Variants in AGMO observed in about 807,000 individuals in gnomAD.
AGMO encodes alkylglycerol monooxygenase, also known as glyceryl-ether monooxygenase.
AGMO carries 75 observed loss-of-function variants against 60.2 expected under a neutral mutation model. The ratio of observed to expected loss-of-function variants is 1.25; its 90% confidence interval spans 1.03 to 1.51. The LOEUF is 1.51. Ranked by LOEUF, AGMO falls within the 40% of genes most tolerant of loss-of-function variation. AGMO has a pLI of 0.00. For missense variants in AGMO, 763 were observed against 525.5 expected (o/e 1.45, Z -4.42); for synonymous variants, 261 against 177.1 (o/e 1.47, Z -3.76).
chr7:15,229,446 C>T (rs1248958383), intron 12 of AGMO, among the ~76,000 whole-genome samples: 1 of 150,224 alleles, frequency 6.7e-6, no homozygotes, highest in Non-Finnish European at 1.5e-5. Context: ...GTTTTTGTCT[C>T]GCTACTTTCT....
chr7:15,229,507 CA>C (rs61390345), intron 12 of AGMO, among the ~76,000 whole-genome samples: 63,670 of 139,910 alleles, frequency 0.46, 16,711 homozygotes, highest in African/African-American at 0.76. Flanking sequence ...CTCATCCTTC[CA>C]AAAAAAAAAA....
At chr7:15,250,001 T>A (rs1396087761) in intron 12 of AGMO, among the ~76,000 whole-genome samples, 1 of 152,236 alleles carries the variant, frequency 6.6e-6, no homozygotes, top group Non-Finnish European at 1.5e-5. Flanking sequence ...CCGGTCAGTA[T>A]TTATTCCCAG....
intron 3 of AGMO, among the ~76,000 whole-genome samples, chr7:15,534,149 T>G (rs1784431025): frequency 2.0e-5 from 3 of 152,108 alleles, no homozygotes; most frequent in African/African-American, 7.2e-5. Context: ...GTTTTAGCAA[T>G]TTTTTTCAAG....
At chr7:15,309,549 T>A (rs990263107) in intron 12 of AGMO, among the ~76,000 whole-genome samples, 2 of 152,148 alleles carry the variant, frequency 1.3e-5, no homozygotes, top group Admixed American at 6.6e-5. Context: ...CAGGTGTTGT[T>A]TTCATTGAAT....
At position 15,394,181 on chromosome 7, in the gene AGMO, T is replaced by C; in HGVS notation, c.610-2A>G. The stretch of plus-strand genomic sequence containing the variant: ...CAAAGGACCAAGGTTATTGATGACC[T>C]GTTTAAAACAGAAGGAATATTTATA... On this transcript the variant is annotated splice_acceptor_variant, in intron 5 of 12. Coordinates refer to ENST00000342526, the MANE Select transcript of AGMO (RefSeq NM_001004320.2). LOFTEE classifies it high-confidence loss of function. 6.3e-7 allele frequency: 1 copy of C among 1,593,828 alleles called. No homozygotes were observed.
intron 3 of AGMO, among the ~76,000 whole-genome samples, chr7:15,437,060 A>G (rs1256950868): frequency 6.6e-6 from 1 of 152,188 alleles, no homozygotes; most frequent in Non-Finnish European, 1.5e-5. Flanking sequence ...TGATAAATAA[A>G]TATAATAAAT....
chr7:15,547,544 G>A (rs1033216782), intron 2 of AGMO, among the ~76,000 whole-genome samples: 7 of 152,258 alleles, frequency 4.6e-5, no homozygotes, highest in African/African-American at 1.7e-4. Context: ...CCGAGTCAAA[G>A]AAAGGGGTGA....
intron 10 of AGMO, among the ~76,000 whole-genome samples, chr7:15,375,373 T>C (rs1017620177): frequency 6.7e-6 from 1 of 149,802 alleles, no homozygotes; most frequent in East Asian, 2.0e-4. Flanking sequence ...GATCAGACTT[T>C]CTTTCTAAAA....
rs543780641 is a variant in AGMO, at chr7:15,390,183, A to G, written c.822+488T>C. On this transcript the variant is annotated intron_variant, in intron 8 of 12. Coordinates refer to ENST00000342526, the MANE Select transcript of AGMO (RefSeq NM_001004320.2). The stretch of plus-strand genomic sequence containing the variant: ...CACATGTCTAAGAGAAAACTGGTCC[A>G]GTCCAACAAGTCTTAGCAAGCGAGG... 1.4e-4 allele frequency among the ~76,000 whole-genome samples: 22 copies of G among 152,178 alleles called. No homozygotes were observed. In the East Asian group the frequency reaches 2.3e-3, roughly 16 times the overall value.
the AGMO span, among the ~76,000 whole-genome samples, chr7:15,181,678 C>G: frequency 6.6e-6 from 1 of 151,980 alleles, no homozygotes; most frequent in Admixed American, 6.6e-5. Flanking sequence ...TTAATATTCA[C>G]TATAACGGAA....
At chr7:15,499,572 C>T (rs1241348898) in intron 3 of AGMO, among the ~76,000 whole-genome samples, 2 of 151,810 alleles carry the variant, frequency 1.3e-5, no homozygotes, top group Non-Finnish European at 2.9e-5. Flanking sequence ...ATCAACCCCA[C>T]TGTAAGGGAA....
At chr7:15,548,797 T>A (rs913383377) in intron 2 of AGMO, among the ~76,000 whole-genome samples, 26 of 151,936 alleles carry the variant, frequency 1.7e-4, no homozygotes, top group African/African-American at 3.1e-4. Context: ...CAACGTTCAG[T>A]TTCAGGAAAT....
At chr7:15,301,978 AAG>A (rs1372867397) in intron 12 of AGMO, among the ~76,000 whole-genome samples, 1 of 152,160 alleles carries the variant, frequency 6.6e-6, no homozygotes, top group Non-Finnish European at 1.5e-5. Context: ...AGAATAAGTA[AAG>A]AGAGCTCCTC....
At chr7:15,489,696 G>A (rs1209320481) in intron 3 of AGMO, among the ~76,000 whole-genome samples, 5 of 152,180 alleles carry the variant, frequency 3.3e-5, no homozygotes, top group Non-Finnish European at 7.3e-5. Context: ...CAGTTGAAAT[G>A]AGTGCGTTCA....
At chr7:15,334,959 T>A (rs1278383057) in intron 12 of AGMO, among the ~76,000 whole-genome samples, 6 of 152,192 alleles carry the variant, frequency 3.9e-5, no homozygotes, top group Admixed American at 6.6e-5. Flanking sequence ...AGAAAAGTCA[T>A]GCACCAAAAT....
intron 12 of AGMO, among the ~76,000 whole-genome samples, chr7:15,274,542 T>G (rs80180306): frequency 0.036 from 5,415 of 152,108 alleles, 325 homozygotes; most frequent in African/African-American, 0.12. Context: ...TTATTTTGTG[T>G]TGTTGTGTCC....
At chr7:15,169,629 G>A in the AGMO span, among the ~76,000 whole-genome samples, 2 of 151,976 alleles carry the variant, frequency 1.3e-5, no homozygotes, top group African/African-American at 2.4e-5. Context: ...TAGAGATGGG[G>A]TTTCACTATA....
chr7:15,363,903 G>A (rs1782860688), intron 12 of AGMO, among the ~76,000 whole-genome samples: 2 of 151,896 alleles, frequency 1.3e-5, no homozygotes, highest in South Asian at 4.2e-4. Context: ...CATCTAAGGT[G>A]TTAAAGTGCC....
At chr7:15,395,205 C>G (rs1198231002) in intron 5 of AGMO, among the ~76,000 whole-genome samples, 2 of 152,152 alleles carry the variant, frequency 1.3e-5, no homozygotes, top group African/African-American at 2.4e-5. Context: ...TTAGGGTTAG[C>G]TTCCGTTTGG....
Sources: gnomAD v4.1 joint callset for allele counts (sites outside exome capture counted in the v4.1 genomes callset) on GRCh38, gnomAD v4.1.1 for gene constraint, MANE v1.5 for transcripts, NCBI Gene and HGNC (gene_info 2026-07-23, HGNC 2026-07-21) for gene names.